Variants in COL24A1 observed in about 807,000 individuals in gnomAD.
The protein encoded by COL24A1 is collagen alpha-1(XXIV) chain.
In COL24A1, 224 loss-of-function variants were observed where a neutral mutation model predicts 253.9. That is an observed-to-expected ratio of 0.88 (90% CI 0.79 to 0.99). The LOEUF is 0.99. Ranked by LOEUF, COL24A1 falls within the 50% of genes least tolerant of loss-of-function variation. The pLI is 0.00. For synonymous variants in COL24A1, 685 were observed against 673.7 expected (o/e 1.02, Z -0.26); for missense variants, 2,131 against 2,068.5 (o/e 1.03, Z -0.59).
chr1:85,755,233 A>T (rs1447368583), intron 55 of COL24A1, among the ~76,000 whole-genome samples: 1 of 152,206 alleles, frequency 6.6e-6, no homozygotes, highest in Non-Finnish European at 1.5e-5. Context: ...ATATTAATAT[A>T]TTCCCAGTTA....
chr1:86,064,757 G>T (rs758341631), intron 7 of COL24A1, among the ~76,000 whole-genome samples: 40 of 152,180 alleles, frequency 2.6e-4, no homozygotes, highest in Non-Finnish European at 4.7e-4. Context: ...CAGAAGAGAT[G>T]AATTCGGATT....
chr1:85,833,826 T>A (rs1162402413), intron 43 of COL24A1, among the ~76,000 whole-genome samples: 1 of 152,006 alleles, frequency 6.6e-6, no homozygotes, highest in African/African-American at 2.4e-5. Flanking sequence ...GGGACATGGA[T>A]GAAACTGGAA....
intron 39 of COL24A1, among the ~76,000 whole-genome samples, chr1:85,847,277 A>G (rs1394161558): frequency 6.6e-6 from 1 of 152,188 alleles, no homozygotes; most frequent in Non-Finnish European, 1.5e-5. Flanking sequence ...CAGAGAAAGA[A>G]AATCCATTTC....
intron 45 of COL24A1, 77 bp from the exon 46 acceptor site, chr1:85,818,164 AC>A (rs1320413337): frequency 1.8e-6 from 2 of 1,132,934 alleles, no homozygotes; most frequent in Non-Finnish European, 2.7e-6. Flanking sequence ...GGACACTGAG[AC>A]CTGGACGCTG....
intron 57 of COL24A1, among the ~76,000 whole-genome samples, chr1:85,739,989 C>T (rs1009562836): frequency 2.0e-5 from 3 of 152,092 alleles, no homozygotes; most frequent in South Asian, 2.1e-4. Flanking sequence ...TTTTTCATTG[C>T]CCCTAATGAT....
At chr1:85,881,331 A>C (rs1026258132) in intron 32 of COL24A1, among the ~76,000 whole-genome samples, 1 of 152,154 alleles carries the variant, frequency 6.6e-6, no homozygotes, top group African/African-American at 2.4e-5. Context: ...ACGTCTTTTA[A>C]GGAATTGGTC....
chr1:85,863,108 C>A lies in COL24A1; in HGVS notation c.3300+5411G>T, dbSNP rs575737395. 5.6e-4 allele frequency among the ~76,000 whole-genome samples: 85 copies of A among 152,278 alleles called. 3 individuals are homozygous for A. The South Asian group carries it at 0.017, about 31-fold the overall frequency. ...GAATGGGAGTTCACTCATGATTTAGCTCTCTGTTTGTCTGTTATTGGTGCA... is the reference window on the plus strand; with the variant it reads ...GAATGGGAGTTCACTCATGATTTAGATCTCTGTTTGTCTGTTATTGGTGCA... On this transcript the variant is annotated intron_variant, in intron 37 of 59. Transcript: ENST00000370571.
At chr1:86,117,677 G>A (rs1184303819) in intron 3 of COL24A1, among the ~76,000 whole-genome samples, 1 of 151,996 alleles carries the variant, frequency 6.6e-6, no homozygotes, top group East Asian at 1.9e-4. Flanking sequence ...GTATTAATAG[G>A]CATTTTCTAG....
chr1:85,863,510 AAC>A (rs1679406451), intron 37 of COL24A1, among the ~76,000 whole-genome samples: 1 of 152,200 alleles, frequency 6.6e-6, no homozygotes, highest in Non-Finnish European at 1.5e-5. Flanking sequence ...TCATGTCTAA[AAC>A]ACAAAAAGCA....
intron 47 of COL24A1, among the ~76,000 whole-genome samples, chr1:85,793,211 C>A (rs1003762148): frequency 6.6e-6 from 1 of 152,078 alleles, no homozygotes; most frequent in African/African-American, 2.4e-5. Flanking sequence ...CCAAAACTCA[C>A]TAAAATAATG....
At chr1:85,757,129 G>A (rs1475451824) in intron 55 of COL24A1, among the ~76,000 whole-genome samples, 1 of 152,138 alleles carries the variant, frequency 6.6e-6, no homozygotes, top group Non-Finnish European at 1.5e-5. Flanking sequence ...CTAGGCATGG[G>A]TAGTAATGGT....
intron 3 of COL24A1, among the ~76,000 whole-genome samples, chr1:86,122,138 C>T (rs1647460409): frequency 6.6e-6 from 1 of 152,070 alleles, no homozygotes; most frequent in African/African-American, 2.4e-5. Flanking sequence ...CAAAGTTCAA[C>T]AATGACTTCT....
At chr1:85,922,830 A>G (rs1686685395) in intron 24 of COL24A1, among the ~76,000 whole-genome samples, 1 of 152,226 alleles carries the variant, frequency 6.6e-6, no homozygotes, top group Non-Finnish European at 1.5e-5. Flanking sequence ...TTAACCTTAA[A>G]TGTAAATGGG....
chr1:85,939,784 A>C (rs1688569871), intron 24 of COL24A1, among the ~76,000 whole-genome samples: 1 of 152,154 alleles, frequency 6.6e-6, no homozygotes, highest in Non-Finnish European at 1.5e-5. Flanking sequence ...TTACTATGCC[A>C]GTATCTAGTG....
intron 43 of COL24A1, among the ~76,000 whole-genome samples, chr1:85,828,813 G>T (rs983559885): frequency 1.4e-5 from 2 of 144,696 alleles, no homozygotes; most frequent in African/African-American, 5.1e-5. Context: ...GAGCCTATGT[G>T]TGTCTCTGCA....
chr1:85,925,778 C>T (rs1270871478), intron 24 of COL24A1, among the ~76,000 whole-genome samples: 2 of 152,124 alleles, frequency 1.3e-5, no homozygotes, highest in South Asian at 2.1e-4. Flanking sequence ...GACTTCATGA[C>T]TAAAACACCA....
At chr1:85,824,930 AT>A (rs1182332213) in intron 43 of COL24A1, among the ~76,000 whole-genome samples, 2 of 147,312 alleles carry the variant, frequency 1.4e-5, no homozygotes, top group Non-Finnish European at 3.0e-5. Flanking sequence ...TATTATTATT[AT>A]TATTATTATA....
rs780761185 is a variant in COL24A1 at position 85,838,651 on chromosome 1, C to T, written c.3628-13G>A. 2.5e-6 allele frequency: 4 copies of T among 1,613,294 alleles called. No homozygotes were observed. Among genetic ancestry groups the T allele is most frequent in the Middle Eastern group, 1.7e-4 (1 of 6,060 alleles). On this transcript the variant is annotated splice_polypyrimidine_tract_variant and intron_variant, in intron 42 of 59. Coordinates refer to ENST00000370571, the MANE Select transcript of COL24A1 (RefSeq NM_152890.7). Reference sequence around the variant, plus strand: ...CCCCCACTGGACCCTACAGAGACCACACACAAAACAATCAGTTTTACAGCT... The same window carrying T: ...CCCCCACTGGACCCTACAGAGACCATACACAAAACAATCAGTTTTACAGCT...
At chr1:85,797,080 G>A (rs1387289641) in intron 47 of COL24A1, among the ~76,000 whole-genome samples, 3 of 151,506 alleles carry the variant, frequency 2.0e-5, no homozygotes, top group South Asian at 2.1e-4. Context: ...GGTGGTGGGC[G>A]CCTGTAGTCC....
Sources: gnomAD v4.1 joint callset for allele counts (sites outside exome capture counted in the v4.1 genomes callset) on GRCh38, gnomAD v4.1.1 for gene constraint, MANE v1.5 for transcripts, NCBI Gene and HGNC (gene_info 2026-07-23, HGNC 2026-07-21) for gene names.